Variants in MAML3 observed in about 807,000 individuals in gnomAD.
MAML3 encodes the protein mastermind like transcriptional coactivator 3, also known as mastermind-like protein 3.
Under a neutral mutation model 101.9 loss-of-function variants are expected in MAML3, and 27 were observed. The ratio of observed to expected loss-of-function variants is 0.27; its 90% CI spans 0.20 to 0.37. MAML3 has a LOEUF of 0.37. MAML3 is among the 10% of genes least tolerant of loss of function. MAML3 has a pLI of 1.00. For synonymous variants in MAML3, 501 were observed against 555.9 expected (o/e 0.90, Z 1.39); for missense variants, 1,316 against 1,444.9 (o/e 0.91, Z 1.45).
rs781605620 is a variant in MAML3 at position 139,719,830 on chromosome 4, G to A, written c.2910C>T (p.Gly970=). 1.9e-6 allele frequency: 3 copies of A among 1,613,440 alleles called. No homozygotes were observed. The African/African-American group carries it at 4.0e-5, about 22-fold the overall frequency. ...ATTCTCCACTAGTCCTCCCAGGCAT[G>A]CCCTGCAAGCTCCTCTGTTGCCAGC... The part of the protein sequence containing the change: ...AQSWQQRSLQ[G]MPGRTSGELG... Residue 970 remains glycine (G), a synonymous_variant, in exon 5 of 5, where the codon GGC becomes GGT. Coordinates refer to ENST00000509479, the MANE Select transcript of MAML3 (RefSeq NM_018717.5).
intron 2 of MAML3, among the ~76,000 whole-genome samples, chr4:139,819,827 T>C (rs1422576668): frequency 1.5e-5 from 2 of 133,074 alleles, no homozygotes; most frequent in East Asian, 4.1e-4. Context: ...TTACACTTTA[T>C]GACAAAAGTC....
At chr4:139,780,814 G>T (rs1730187655) in intron 2 of MAML3, among the ~76,000 whole-genome samples, 1 of 151,986 alleles carries the variant, frequency 6.6e-6, no homozygotes, top group South Asian at 2.1e-4. Flanking sequence ...ATTTTTAGCA[G>T]AGACGGGTTT....
intron 2 of MAML3, among the ~76,000 whole-genome samples, chr4:139,881,755 G>A (rs1034678565): frequency 2.0e-5 from 3 of 152,206 alleles, no homozygotes; most frequent in African/African-American, 7.2e-5. Flanking sequence ...AGACTGCAGT[G>A]CAGTGGTGCG....
chr4:139,754,100 G>A (rs990718350), intron 2 of MAML3, among the ~76,000 whole-genome samples: 5 of 152,210 alleles, frequency 3.3e-5, no homozygotes, highest in Non-Finnish European at 1.5e-5. Flanking sequence ...TAGTTGAATA[G>A]TAACATATAA....
At chr4:140,099,206 ACT>A (rs1234252106) in intron 1 of MAML3, among the ~76,000 whole-genome samples, 15 of 150,258 alleles carry the variant, frequency 1.0e-4, no homozygotes, top group African/African-American at 2.2e-4. Context: ...TGTTCATAAA[ACT>A]CTGTTCACAT....
intron 1 of MAML3, among the ~76,000 whole-genome samples, chr4:139,967,100 T>G (rs1251402012): frequency 6.6e-6 from 1 of 152,180 alleles, no homozygotes; most frequent in East Asian, 1.9e-4. Context: ...AGTCCTAATA[T>G]TAGAAGAATC....
At chr4:140,041,673 G>A (rs1365593395) in intron 1 of MAML3, among the ~76,000 whole-genome samples, 1 of 152,070 alleles carries the variant, frequency 6.6e-6, no homozygotes, top group African/African-American at 2.4e-5. Flanking sequence ...GAAGGCAGGA[G>A]GATCAACTAC....
chr4:140,153,064 G>T lies in MAML3; in HGVS notation c.264C>A (p.His88Gln). 1 of 1,569,668 alleles carries T rather than the reference G, an allele frequency of 6.4e-7. No homozygotes were observed. The highest frequency in any genetic ancestry group is 1.2e-5 in the South Asian group (1 of 86,262). Reference sequence around the variant, plus strand: ...GCTGGTACCTGTTCTCGCAGTTGACGTGGTGCCGACGGCAGCCCTCGATGC... The same window carrying T: ...GCTGGTACCTGTTCTCGCAGTTGACTTGGTGCCGACGGCAGCCCTCGATGC... ...RQRIEGCRRH[H>Q]VNCENRYQQA... is the part of the protein sequence containing the mutation. Residue 88 changes from histidine to glutamine, a missense_variant, in exon 1 of 5, where the codon CAC (histidine) becomes CAA (glutamine). Physicochemically the swap from His to Gln is conservative, Grantham distance 24. Coordinates refer to ENST00000509479, the MANE Select transcript of MAML3 (RefSeq NM_018717.5).
At chr4:139,979,700 C>T (rs1343953184) in intron 1 of MAML3, among the ~76,000 whole-genome samples, 1 of 152,160 alleles carries the variant, frequency 6.6e-6, no homozygotes. Context: ...CATGTGAGGA[C>T]ACAGTGTTCC....
intron 2 of MAML3, among the ~76,000 whole-genome samples, chr4:139,744,784 C>A (rs557883013): frequency 6.6e-6 from 1 of 152,008 alleles, no homozygotes; most frequent in African/African-American, 2.4e-5. Context: ...AAAGATGACA[C>A]CAGCTGGTCA....
intron 1 of MAML3, among the ~76,000 whole-genome samples, chr4:140,043,959 C>T (rs568664801): frequency 5.3e-5 from 8 of 152,022 alleles, no homozygotes; most frequent in Non-Finnish European, 7.4e-5. Flanking sequence ...AAATCTAAAG[C>T]GAACTGAGTT....
chr4:140,036,683 T>C (rs1726991742), intron 1 of MAML3, among the ~76,000 whole-genome samples: 1 of 152,306 alleles, frequency 6.6e-6, no homozygotes, highest in African/African-American at 2.4e-5. Context: ...CCAGCCCTCC[T>C]TTTCCCATTC....
chr4:139,934,009 ATG>A (rs1182625226), intron 1 of MAML3, among the ~76,000 whole-genome samples: 15 of 152,242 alleles, frequency 9.9e-5, no homozygotes, highest in Non-Finnish European at 1.9e-4. Flanking sequence ...GTGAATGAGT[ATG>A]TGAGTGTATA....
intron 1 of MAML3, among the ~76,000 whole-genome samples, chr4:140,071,670 C>T (rs1578669982): frequency 1.3e-5 from 2 of 149,950 alleles, no homozygotes; most frequent in African/African-American, 4.9e-5. Flanking sequence ...AAAAAAAATC[C>T]ACAGTGAAAC....
intron 1 of MAML3, among the ~76,000 whole-genome samples, chr4:140,063,334 T>G (rs1300504480): frequency 6.6e-6 from 1 of 152,090 alleles, no homozygotes; most frequent in African/African-American, 2.4e-5. Flanking sequence ...AGGACAGGAC[T>G]GTAATAAGCC....
chr4:139,989,430 C>T (rs1031053730), intron 1 of MAML3, among the ~76,000 whole-genome samples: 3 of 152,172 alleles, frequency 2.0e-5, no homozygotes, highest in Non-Finnish European at 4.4e-5. Flanking sequence ...CTGCTGCCTT[C>T]TGCCTGATCT....
At chr4:139,721,990 CAG>C in intron 4 of MAML3, among the ~76,000 whole-genome samples, 1 of 152,162 alleles carries the variant, frequency 6.6e-6, no homozygotes, top group Admixed American at 6.5e-5. Flanking sequence ...ATTGCTGAGT[CAG>C]AGATTGATTG....
At chr4:139,726,832 T>C (rs1728491682) in intron 3 of MAML3, among the ~76,000 whole-genome samples, 1 of 152,220 alleles carries the variant, frequency 6.6e-6, no homozygotes, top group Admixed American at 6.5e-5. Flanking sequence ...GGAAGGCTAT[T>C]ATCATTATCA....
intron 1 of MAML3, among the ~76,000 whole-genome samples, chr4:140,100,309 T>C (rs1281669381): frequency 6.6e-6 from 1 of 152,222 alleles, no homozygotes. Flanking sequence ...TTTAAACTTT[T>C]GTTCTCCAGT....
Sources: gnomAD v4.1 joint callset for allele counts (sites outside exome capture counted in the v4.1 genomes callset) on GRCh38, gnomAD v4.1.1 for gene constraint, MANE v1.5 for transcripts, NCBI Gene and HGNC (gene_info 2026-07-23, HGNC 2026-07-21) for gene names.